Variants in RRP1B observed in about 807,000 individuals in gnomAD.
RRP1B encodes ribosomal RNA processing 1B.
A neutral mutation model predicts 80.2 loss-of-function variants in RRP1B; 56 were observed. The observed-to-expected ratio is 0.70, with a 90% CI of 0.56 to 0.87. The LOEUF is 0.87. RRP1B is among the 40% of genes least tolerant of loss of function. The probability of loss-of-function intolerance (pLI) is 0.00; values close to 1 mark genes in which losing one functional copy is unlikely to be tolerated. For synonymous variants in RRP1B, 351 were observed against 357.6 expected (o/e 0.98, Z 0.21); for missense variants, 807 against 939.8 (o/e 0.86, Z 1.85).
At chr21:43,685,129 T>C (rs969034259) in intron 10 of RRP1B, among the ~76,000 whole-genome samples, 2 of 152,222 alleles carry the variant, frequency 1.3e-5, no homozygotes, top group African/African-American at 4.8e-5. Flanking sequence ...CTTGCTGTCA[T>C]TGGTGACAAC....
chr21:43,687,739 G>C lies in RRP1B; in HGVS notation c.1365G>C (p.Gly455=). 6.2e-7 allele frequency: 1 copy of C among 1,613,254 alleles called. No individual in the cohort carries two copies. Among genetic ancestry groups the C allele is most frequent in the Non-Finnish European group, 8.5e-7 (1 of 1,180,000 alleles). The change falls in exon 13 of 16, where the codon GGG becomes GGC. Residue 455 remains glycine, a synonymous_variant. Transcript: ENST00000340648. ...GTGCAGAGGCCACGTCCAGCACTGG[G>C]GAGGAGAGTGGCTCCGAGCATCCTC... The part of the protein sequence containing the change: ...EPGAEATSST[G]EESGSEHPPA...
At chr21:43,674,303 C>G (rs1045244101) in intron 4 of RRP1B, among the ~76,000 whole-genome samples, 1 of 152,096 alleles carries the variant, frequency 6.6e-6, no homozygotes, top group Non-Finnish European at 1.5e-5. Context: ...ATTACAGACG[C>G]GCACCACCAT....
At position 43,675,843 on chromosome 21, in the gene RRP1B, C is replaced by CATTTTATTTTATTTTATTTT. The variant is rs374076927; in HGVS notation, c.550-393_550-374dup. Among the ~76,000 whole-genome samples, 324 of 142,948 alleles carry CATTTTATTTTATTTTATTTT rather than the reference C, an allele frequency of 2.3e-3. 2 individuals are homozygous for CATTTTATTTTATTTTATTTT. Among genetic ancestry groups the CATTTTATTTTATTTTATTTT allele is most frequent in the African/African-American group, 7.7e-3 (292 of 37,792 alleles). 93.8% of individuals were successfully genotyped at this position (142,948 alleles called of 152,430 possible). On this transcript the variant is annotated intron_variant, in intron 6 of 15. Coordinates refer to ENST00000340648, the MANE Select transcript of RRP1B (RefSeq NM_015056.3). ...TTCTTAAAATATGAGGGGTATTTTG[C>CATTTTATTTTATTTTATTTT]ATTTTATTTTATTTTATTTTATTTT...
Position 43,691,378 on chromosome 21 carries a change from G to A in RRP1B, c.2020-61G>A. 1 of 1,539,606 alleles carries A rather than the reference G, an allele frequency of 6.5e-7. No individual in the cohort carries two copies. The highest frequency in any genetic ancestry group is 9.0e-7 in the Non-Finnish European group (1 of 1,115,866). Reference sequence around the variant, plus strand: ...CAGGGCAGGTTCTCCAGAAAAATCTGACTAAGCGCCTCCACTGCACTTGCG... The same window carrying A: ...CAGGGCAGGTTCTCCAGAAAAATCTAACTAAGCGCCTCCACTGCACTTGCG... On this transcript the variant is annotated intron_variant, in intron 14 of 15. Transcript: ENST00000340648. The surrounding 1 kb of genome is among the most constrained non-coding windows in gnomAD (Gnocchi z 4.2).
rs1206343232 is a variant in RRP1B, at chr21:43,691,780, G to A, written c.2083+278G>A. Among the ~76,000 whole-genome samples the A allele has an allele frequency of 6.6e-6, 1 of 152,040 alleles. No homozygotes were observed. Among genetic ancestry groups the A allele is most frequent in the Non-Finnish European group, 1.5e-5 (1 of 67,996 alleles). ...TCAGGCTGCCGGGTAGCGGGTAGCTGGGATCACAGGTGCACGCCATCACAT... is the reference window on the plus strand; with the variant it reads ...TCAGGCTGCCGGGTAGCGGGTAGCTAGGATCACAGGTGCACGCCATCACAT... On this transcript the variant is annotated intron_variant, in intron 15 of 15. Coordinates refer to ENST00000340648, the MANE Select transcript of RRP1B (RefSeq NM_015056.3). This position sits in a 1 kb window ranked among gnomAD's most constrained non-coding sequence, Gnocchi z 4.2.
chr21:43,661,737 G>A (rs975434202), intron 1 of RRP1B, among the ~76,000 whole-genome samples: 2 of 152,158 alleles, frequency 1.3e-5, no homozygotes, highest in Non-Finnish European at 2.9e-5. Context: ...TGCAAGTCAT[G>A]ATCTGTCCTC....
Position 43,672,293 on chromosome 21 carries a change from A to G in RRP1B, c.214-15A>G. ...ACGATAACCCCCATGTTTCTCCCCA[A>G]CCCCGCCTCTGCAGGAAGAGCTCGC... On this transcript the variant is annotated splice_polypyrimidine_tract_variant and intron_variant, in intron 2 of 15. Transcript: ENST00000340648. 6.2e-7 allele frequency: 1 copy of G among 1,611,924 alleles called. No homozygotes were observed. The highest frequency in any genetic ancestry group is 8.5e-7 in the Non-Finnish European group (1 of 1,178,916).
rs754525136 is a variant in RRP1B at position 43,673,941 on chromosome 21, G to A, written c.343G>A (p.Asp115Asn). Residue 115 changes from aspartate to asparagine, a missense_variant, in exon 4 of 16, where the codon GAC becomes AAC. Asp to Asn is a conservative substitution (Grantham distance 23). Coordinates refer to ENST00000340648, the MANE Select transcript of RRP1B (RefSeq NM_015056.3). ...EWKGIDRLRL[D>N]KYYMLIRLVL... ...GAAAGGAATAGACAGGCTACGCCTG[G>A]ACAAATACTATATGGTAAGATCTGC... 1 of 1,611,410 alleles carries A rather than the reference G, an allele frequency of 6.2e-7. No individual in the cohort carries two copies. Among genetic ancestry groups the A allele is most frequent in the East Asian group, 2.2e-5 (1 of 44,874 alleles).
At position 43,687,854 on chromosome 21, in the gene RRP1B, C is replaced by G. The variant is rs745358182; in HGVS notation, c.1480C>G (p.Pro494Ala). 7.9e-5 allele frequency: 128 copies of G among 1,613,322 alleles called. No individual in the cohort carries two copies. The South Asian group carries it at 1.3e-3, about 16-fold the overall frequency. ...REMLESAVLP[P>A]EDMSQSGPSG... ...AATGTTGGAATCAGCAGTGTTGCCC[C>G]CAGAGGACATGTCTCAGAGTGGCCC... The change falls in exon 13 of 16, where the codon CCA becomes GCA. Residue 494 changes from proline to alanine, a missense_variant. Transcript: ENST00000340648.
intron 11 of RRP1B, 50 bp downstream of exon 11, chr21:43,685,839 C>A: frequency 6.4e-7 from 1 of 1,573,452 alleles, no homozygotes; most frequent in Non-Finnish European, 8.6e-7. Context: ...TGAATATGGA[C>A]CCCACTGGGG....
chr21:43,669,056 C>A (rs577021265), intron 1 of RRP1B, among the ~76,000 whole-genome samples: 1 of 152,146 alleles, frequency 6.6e-6, no homozygotes, highest in South Asian at 2.1e-4. Flanking sequence ...ACAAAGCCAA[C>A]CCTGGTGATG....
In RRP1B at chr21:43,659,688, C is replaced by G. The variant is rs1478936485; in HGVS notation, c.24C>G (p.Ala8=). The G allele has an allele frequency of 6.6e-7, 1 of 1,523,662 alleles. No homozygotes were observed. Among genetic ancestry groups the G allele is most frequent in the Non-Finnish European group, 8.8e-7 (1 of 1,134,992 alleles). 94.4% of individuals were successfully genotyped at this position (1,523,662 alleles called of 1,614,324 possible). A position where few individuals can be genotyped will look rare whatever the true frequency, so the allele number is the denominator to read the frequency against. The change falls in exon 1 of 16, where the codon GCC becomes GCG. Residue 8 remains alanine, a synonymous_variant. Transcript: ENST00000340648. The surrounding 1 kb of genome is among the most constrained non-coding windows in gnomAD (Gnocchi z 4.2). The part of the protein sequence containing the change: MAPAMQP[A]EIQFAQRLAS... ...CGATGGCCCCCGCCATGCAGCCGGC[C>G]GAGATCCAATTTGCCCAGCGGCTGG... is the stretch of plus-strand genomic sequence containing the variant.
At chr21:43,688,749 C>T (rs2083074696) in intron 13 of RRP1B, among the ~76,000 whole-genome samples, 2 of 152,196 alleles carry the variant, frequency 1.3e-5, no homozygotes, top group Admixed American at 1.3e-4. Flanking sequence ...AATGGAAAGA[C>T]TTTCCTTCCA....
Position 43,676,330 on chromosome 21 carries a change from C to T in RRP1B, c.608C>T (p.Thr203Met), listed in dbSNP as rs2147168018. ...CCATTCTGCAAAATTGCTGCGAAGA[C>T]GAAGGAGTAAGTGATTCCCCTGTTC... ...IDPFCKIAAK[T>M]KDHTLVQTIA... Residue 203 changes from threonine to methionine, a missense_variant, in exon 7 of 16, where the codon ACG becomes ATG. Transcript: ENST00000340648. The T allele has an allele frequency of 1.2e-6, 2 of 1,609,856 alleles. No homozygotes were observed. The highest frequency in any genetic ancestry group is 1.7e-6 in the Non-Finnish European group (2 of 1,176,410).
At chr21:43,672,126 C>T (rs2083001837) in intron 2 of RRP1B, among the ~76,000 whole-genome samples, 182 bp from the exon 3 acceptor site, 1 of 152,224 alleles carries the variant, frequency 6.6e-6, no homozygotes, top group Non-Finnish European at 1.5e-5. Flanking sequence ...AATAGTCCGT[C>T]AATATTGGAA....
intron 1 of RRP1B, among the ~76,000 whole-genome samples, chr21:43,663,037 G>GT (rs772624753): frequency 6.6e-6 from 1 of 151,826 alleles, no homozygotes; most frequent in Admixed American, 6.6e-5. Context: ...GAGGATATAA[G>GT]TTTTTTTATA....
intron 10 of RRP1B, 118 bp downstream of exon 10, chr21:43,684,768 C>A: frequency 1.2e-6 from 1 of 804,820 alleles, no homozygotes. Flanking sequence ...TCCTTTAATG[C>A]TTTTGTGTAT....
chr21:43,694,354 T>G lies in RRP1B; in HGVS notation c.*971T>G, dbSNP rs1490426766. 1 of 152,254 alleles carries G rather than the reference T, an allele frequency of 6.6e-6. No homozygotes were observed. Among genetic ancestry groups the G allele is most frequent in the African/African-American group, 2.4e-5 (1 of 41,458 alleles). The allele number at this position is 152,254 out of a possible 1,614,324, so 9.4% of individuals were successfully genotyped here. On this transcript the variant is annotated 3_prime_UTR_variant, in exon 16 of 16. Transcript: ENST00000340648. ...AGCGTGCACTTACAGTTCAGACCGTTCTCCTGTAAGTTCATTACAAACACG... is the reference window on the plus strand; with the variant it reads ...AGCGTGCACTTACAGTTCAGACCGTGCTCCTGTAAGTTCATTACAAACACG...
chr21:43,684,101 G>A (rs1248203323), intron 9 of RRP1B, among the ~76,000 whole-genome samples: 2 of 140,172 alleles, frequency 1.4e-5, no homozygotes, highest in African/African-American at 5.6e-5. Flanking sequence ...AGACAGAGTC[G>A]CACTCTGTCT....
Sources: allele counts gnomAD v4.1 joint callset (sites outside exome capture counted in the v4.1 genomes callset), GRCh38; gene constraint gnomAD v4.1.1; non-coding constraint Gnocchi (gnomAD v3.1); transcripts MANE v1.5; gene names NCBI Gene and HGNC (gene_info 2026-07-23, HGNC 2026-07-21).